Variants in BBS2 observed in about 807,000 individuals in gnomAD.
BBS2 encodes the protein BBSome complex member BBS2.
BBS2 carries 62 observed loss-of-function variants against 83.0 expected under a neutral mutation model. The observed-to-expected ratio is 0.75, with a 90% CI of 0.61 to 0.92. The LOEUF is 0.92. BBS2 is among the 40% of genes least tolerant of loss of function. The pLI is 0.00. For missense variants in BBS2, 784 were observed against 901.0 expected, an observed-to-expected ratio of 0.87 and a Z score of 1.66; for synonymous variants, 303 against 326.1, an observed-to-expected ratio of 0.93 and a Z score of 0.76.
downstream of BBS2, among the ~76,000 whole-genome samples, chr16:56,484,089 C>T (rs1219962976): frequency 6.6e-6 from 1 of 151,286 alleles, no homozygotes; most frequent in Admixed American, 6.6e-5. Flanking sequence ...TCATTGCAAC[C>T]TCTGCCACCC....
intron 15 of BBS2, among the ~76,000 whole-genome samples, chr16:56,486,552 T>C (rs1205639860): frequency 2.0e-5 from 3 of 152,158 alleles, no homozygotes; most frequent in Non-Finnish European, 2.9e-5. Context: ...GCAACATGGA[T>C]GAATCTCTAA....
intron 11 of BBS2, 27 bp from the exon 12 acceptor site, chr16:56,499,934 G>A: frequency 2.5e-6 from 4 of 1,613,114 alleles, no homozygotes; most frequent in Non-Finnish European, 3.4e-6. Context: ...AAACACAAGA[G>A]AATTGTTTTG....
chr16:56,501,300 G>T, intron 10 of BBS2, 53 bp downstream of exon 10: 6 of 1,549,206 alleles, frequency 3.9e-6, no homozygotes, highest in South Asian at 1.1e-5. Context: ...AAAAAAGAAT[G>T]ACTCCAAGAT....
At chr16:56,498,850 T>G in intron 12 of BBS2, 2 of 610,848 alleles carry the variant, frequency 3.3e-6, no homozygotes, top group Non-Finnish European at 5.2e-6. Flanking sequence ...TCATAGCATC[T>G]TCTACTTAGA....
intron 15 of BBS2, among the ~76,000 whole-genome samples, chr16:56,495,167 CATTA>C (rs1964082474): frequency 6.6e-6 from 1 of 151,992 alleles, no homozygotes; most frequent in African/African-American, 2.4e-5. Flanking sequence ...CCAAATAATT[CATTA>C]ATTCATGAGG....
At chr16:56,510,591 C>T (rs1291272026) in intron 4 of BBS2, among the ~76,000 whole-genome samples, 3 of 152,194 alleles carry the variant, frequency 2.0e-5, no homozygotes, top group Admixed American at 6.5e-5. Context: ...GTGAATATGA[C>T]TGAAATCCCA....
chr16:56,480,065 T>G (rs568438327), downstream of BBS2, among the ~76,000 whole-genome samples: 1 of 152,122 alleles, frequency 6.6e-6, no homozygotes, highest in Non-Finnish European at 1.5e-5. Context: ...TACTGGAAAT[T>G]AGGAACGTTT....
intron 2 of BBS2, among the ~76,000 whole-genome samples, chr16:56,511,975 T>C (rs1321751422): frequency 6.6e-6 from 1 of 152,168 alleles, no homozygotes; most frequent in Non-Finnish European, 1.5e-5. Context: ...GTATCCAGTA[T>C]ATCCAAGAAA....
chr16:56,488,985 T>G (rs1166195865), intron 15 of BBS2, among the ~76,000 whole-genome samples: 1 of 152,152 alleles, frequency 6.6e-6, no homozygotes, highest in Non-Finnish European at 1.5e-5. Flanking sequence ...CTTGCTATAT[T>G]GCCCAGGCTG....
intron 17 of BBS2, chr16:56,476,023 C>A: frequency 6.3e-7 from 1 of 1,597,846 alleles, no homozygotes; most frequent in South Asian, 1.1e-5. Flanking sequence ...TCTGATGTGT[C>A]ACTGTATTTG....
intron 17 of BBS2, chr16:56,478,450 C>T (rs1415541856): frequency 1.3e-5 from 2 of 152,194 alleles, no homozygotes; most frequent in African/African-American, 4.8e-5. Flanking sequence ...TGGTTAATGT[C>T]ACAGCTTGCC....
chr16:56,474,628 A>G (rs371443551), intron 17 of BBS2, among the ~76,000 whole-genome samples: 1 of 152,010 alleles, frequency 6.6e-6, no homozygotes, highest in Admixed American at 6.6e-5. Context: ...CCCAAAATTC[A>G]ACTTTTTTAC....
chr16:56,499,412 C>T (rs556543503), intron 12 of BBS2: 26 of 326,858 alleles, frequency 8.0e-5, no homozygotes, highest in African/African-American at 8.6e-5. Context: ...AATGAGTTAA[C>T]GTAGCACTTA....
chr16:56,482,242 C>T (rs2144087588), downstream of BBS2, among the ~76,000 whole-genome samples: 1 of 152,298 alleles, frequency 6.6e-6, no homozygotes, highest in South Asian at 2.1e-4. Context: ...AAAGACTCAA[C>T]AGTAGGACTC....
chr16:56,515,143 A>T (rs548999723), intron 1 of BBS2, among the ~76,000 whole-genome samples: 2 of 152,366 alleles, frequency 1.3e-5, no homozygotes, highest in Non-Finnish European at 2.9e-5. Flanking sequence ...TCTGCTAGTT[A>T]GTAAACCTGT....
chr16:56,498,321 T>A, intron 13 of BBS2, 116 bp downstream of exon 13: 3 of 1,364,082 alleles, frequency 2.2e-6, no homozygotes, highest in Non-Finnish European at 3.1e-6. Flanking sequence ...CCACCTCACT[T>A]TGGACTGAAT....
In BBS2 at chr16:56,470,809, T is replaced by A. The variant is rs142122677; in HGVS notation, c.*1-114A>T. ...AAAGAAAGGTAAGCTGTTGTTAGGA[T>A]TTGTCCTTACTTACCATTAACCATT... On this transcript the variant is annotated intron_variant, in intron 17 of 17. Coordinates refer to the BBS2 transcript ENST00000682047. 4.0e-4 allele frequency: 623 copies of A among 1,555,736 alleles called. 8 individuals carry two copies. In the East Asian group the frequency reaches 0.014, roughly 35 times the overall value.
chr16:56,491,854 T>G (rs113192720), intron 15 of BBS2, among the ~76,000 whole-genome samples: 11 of 150,954 alleles, frequency 7.3e-5, no homozygotes, highest in African/African-American at 2.7e-4. Context: ...ATGCCACTAG[T>G]CATCAGGGAA....
At chr16:56,474,615 C>T (rs919031009) in intron 17 of BBS2, among the ~76,000 whole-genome samples, 1 of 151,996 alleles carries the variant, frequency 6.6e-6, no homozygotes, top group Non-Finnish European at 1.5e-5. Context: ...CCACCATGCC[C>T]GGCCCAAAAT....
Sources: allele counts gnomAD v4.1 joint callset (sites outside exome capture counted in the v4.1 genomes callset), GRCh38; gene constraint gnomAD v4.1.1; transcripts MANE v1.5; gene names NCBI Gene and HGNC (gene_info 2026-07-23, HGNC 2026-07-21).